ZNF462: variants seen among roughly 807,000 people sequenced by gnomAD.
The protein encoded by ZNF462 is zinc finger protein 462.
ZNF462 carries 10 observed loss-of-function variants against 201.9 expected under a neutral mutation model. That is an observed-to-expected ratio of 0.05 (90% CI 0.03 to 0.08). The LOEUF (loss-of-function observed/expected upper bound fraction) is 0.08, where lower values mean the gene tolerates loss of function less well. Among genes scored for constraint, ZNF462 ranks in the 10% least tolerant of loss-of-function variants. The pLI, the probability that ZNF462 is intolerant of heterozygous loss-of-function variation, is 1.00. For missense variants in ZNF462, 2,523 were observed against 3,168.3 expected, an observed-to-expected ratio of 0.80 and a Z score of 4.89; for synonymous variants, 1,227 against 1,193.3, an observed-to-expected ratio of 1.03 and a Z score of -0.58.
chr9:106,897,295 C>T (rs965941905), intron 1 of ZNF462, among the ~76,000 whole-genome samples: 1 of 151,932 alleles, frequency 6.6e-6, no homozygotes, highest in East Asian at 1.9e-4. Flanking sequence ...CTTATTTTTT[C>T]ACTTAACTAT....
At position 106,872,868 on chromosome 9, in the gene ZNF462, G is replaced by A. The variant is rs192957160; in HGVS notation, c.-31+9513G>A. On this transcript the variant is annotated intron_variant, in intron 1 of 12. Coordinates refer to ENST00000277225, the MANE Select transcript of ZNF462 (RefSeq NM_021224.6). This position sits in a 1 kb window ranked among gnomAD's most constrained non-coding sequence, Gnocchi z 4.5. Reference sequence around the variant, plus strand: ...AAAATGCTGTCTTCCCTCGTGGACTGACTCATAGTTAATACTGGACAACGG... The same window carrying A: ...AAAATGCTGTCTTCCCTCGTGGACTAACTCATAGTTAATACTGGACAACGG... 2.0e-5 allele frequency among the ~76,000 whole-genome samples: 3 copies of A among 152,304 alleles called. No individual in the cohort carries two copies. In the East Asian group the frequency reaches 5.8e-4, roughly 29 times the overall value.
At position 106,938,938 on chromosome 9, in the gene ZNF462, T is replaced by A; in HGVS notation, c.6258T>A (p.Ser2086=). 1.9e-6 allele frequency: 3 copies of A among 1,611,470 alleles called. No homozygotes were observed. Among genetic ancestry groups the A allele is most frequent in the Non-Finnish European group, 2.5e-6 (3 of 1,178,826 alleles). ...CAGGTGAGCATGCCTACAAGTGTTC[T>A]TGGTGCTCATTCTCCACCATGACAA... The part of the protein sequence containing the change: ...AHAGEHAYKC[S]WCSFSTMTIS... The change falls in exon 7 of 13, where the codon TCT becomes TCA. Residue 2086 remains serine (S), a synonymous_variant. Coordinates refer to ENST00000277225, the MANE Select transcript of ZNF462 (RefSeq NM_021224.6). This position sits in a 1 kb window ranked among gnomAD's most constrained non-coding sequence, Gnocchi z 4.4.
chr9:107,002,925 G>A (rs1829304912), intron 10 of ZNF462, among the ~76,000 whole-genome samples: 1 of 152,070 alleles, frequency 6.6e-6, no homozygotes, highest in South Asian at 2.1e-4. Flanking sequence ...TTGAAACTTG[G>A]GTTGTTATAA....
intron 1 of ZNF462, among the ~76,000 whole-genome samples, chr9:106,888,409 T>C (rs1355024120): frequency 6.6e-6 from 1 of 152,180 alleles, no homozygotes; most frequent in African/African-American, 2.4e-5. Context: ...CTGACAATAC[T>C]TTGCCCTGAA....
rs149059559 is a variant in ZNF462, at chr9:106,939,539, T to C, written c.6427+432T>C. ...AATGACACAAAATTCAGAGTAGGAG[T>C]GCAAAGGGTGAATGAGTGGGGAAGT... On this transcript the variant is annotated intron_variant, in intron 7 of 12. Coordinates refer to ENST00000277225, the MANE Select transcript of ZNF462 (RefSeq NM_021224.6). Among the ~76,000 whole-genome samples, 310 of 151,862 alleles carry C rather than the reference T, an allele frequency of 2.0e-3. 2 individuals are homozygous for C. The highest frequency in any genetic ancestry group is 6.8e-3 in the Middle Eastern group (2 of 294).
chr9:106,924,396 T>G lies in ZNF462; in HGVS notation c.484T>G (p.Phe162Val). Residue 162 changes from phenylalanine to valine, a missense_variant, in exon 3 of 13, where the codon TTC becomes GTC. Coordinates refer to ENST00000277225, the MANE Select transcript of ZNF462 (RefSeq NM_021224.6). The surrounding 1 kb of genome is among the most constrained non-coding windows in gnomAD (Gnocchi z 6.2). ...GATGCACGAGGGATTTGGAAAGGTCTTCTCTTGCCAGTTTTGCACATACAA... is the reference window on the plus strand; with the variant it reads ...GATGCACGAGGGATTTGGAAAGGTCGTCTCTTGCCAGTTTTGCACATACAA... The part of the protein sequence containing the change: ...IMMHEGFGKV[F>V]SCQFCTYKSP... The G allele has an allele frequency of 6.2e-7, 1 of 1,614,172 alleles. No homozygotes were observed. Among genetic ancestry groups the G allele is most frequent in the Non-Finnish European group, 8.5e-7 (1 of 1,180,016 alleles).
chr9:106,926,496 T>A lies in ZNF462; in HGVS notation c.2584T>A (p.Tyr862Asn), dbSNP rs756175517. Residue 862 changes from tyrosine (Y) to asparagine (N), a missense_variant, in exon 3 of 13, where the codon TAC becomes AAC. This residue lies in a region of ZNF462 where 11 missense variants were observed against 41.0 expected (regional missense o/e 0.27). Coordinates refer to ENST00000277225, the MANE Select transcript of ZNF462 (RefSeq NM_021224.6). This position sits in a 1 kb window ranked among gnomAD's most constrained non-coding sequence, Gnocchi z 7.9. The stretch of plus-strand genomic sequence containing the variant: ...ATCTGCCCGGAGTGTTAGCACCCAC[T>A]ACCAACGAATGCACCCATACATTAA... ...NKSARSVSTH[Y>N]QRMHPYIKFS... The A allele has an allele frequency of 6.2e-7, 1 of 1,614,172 alleles. No homozygotes were observed.
rs1321032884 is a variant in ZNF462 at position 106,902,305 on chromosome 9, TG to T, written c.-30-21048del. On this transcript the variant is annotated intron_variant, in intron 1 of 12. Coordinates refer to ENST00000277225, the MANE Select transcript of ZNF462 (RefSeq NM_021224.6). The surrounding 1 kb of genome is among the most constrained non-coding windows in gnomAD (Gnocchi z 4.2). ...ATGGTGGATTATCTTTTTGATATGT[TG>T]TTGAATTTGGTTAGCTAGTATTTTG... 6.6e-6 allele frequency among the ~76,000 whole-genome samples: 1 copy of T among 152,228 alleles called. No individual in the cohort carries two copies. The highest frequency in any genetic ancestry group is 2.4e-5 in the African/African-American group (1 of 41,454).
intron 1 of ZNF462, among the ~76,000 whole-genome samples, chr9:106,874,636 A>G (rs1389403656): frequency 1.2e-4 from 19 of 152,220 alleles, no homozygotes; most frequent in Admixed American, 1.2e-3. Flanking sequence ...AGTACACTGT[A>G]TAGATCACAT....
intron 7 of ZNF462, among the ~76,000 whole-genome samples, chr9:106,939,913 G>A (rs1394019396): frequency 1.3e-5 from 2 of 152,180 alleles, no homozygotes; most frequent in African/African-American, 2.4e-5. Flanking sequence ...CAGATTCTTC[G>A]AGGTAGACCT....
Position 106,865,388 on chromosome 9 carries a change from T to G in ZNF462, c.-31+2033T>G, listed in dbSNP as rs1827286187. Among the ~76,000 whole-genome samples the G allele has an allele frequency of 6.6e-6, 1 of 152,168 alleles. No individual in the cohort carries two copies. Among genetic ancestry groups the G allele is most frequent in the African/African-American group, 2.4e-5 (1 of 41,438 alleles). On this transcript the variant is annotated intron_variant, in intron 1 of 12. Coordinates refer to ENST00000277225, the MANE Select transcript of ZNF462 (RefSeq NM_021224.6). This position sits in a 1 kb window ranked among gnomAD's most constrained non-coding sequence, Gnocchi z 4.1. Reference sequence around the variant, plus strand: ...AGATGGTGATGGCCCTAAGCTGAGATTTTTTTGAGTTCTAGGGTTTGGTTA... The same window carrying G: ...AGATGGTGATGGCCCTAAGCTGAGAGTTTTTTGAGTTCTAGGGTTTGGTTA...
intron 1 of ZNF462, among the ~76,000 whole-genome samples, chr9:106,879,332 A>T (rs866915004): frequency 1.4e-5 from 1 of 70,632 alleles, no homozygotes; most frequent in African/African-American, 5.6e-5. Context: ...GATGCTTTCC[A>T]CCCCCCCCCC....
rs1827459121 is a variant in ZNF462 at position 106,981,855 on chromosome 9, T to C, written c.6833-2331T>C. On this transcript the variant is annotated intron_variant, in intron 9 of 12. Transcript: ENST00000277225. The surrounding 1 kb of genome is among the most constrained non-coding windows in gnomAD (Gnocchi z 4.0). Reference sequence around the variant, plus strand: ...GTGTGGGACATCATTATATGAAAAATGATACCGGGCTGTTCTTCTTCACCG... The same window carrying C: ...GTGTGGGACATCATTATATGAAAAACGATACCGGGCTGTTCTTCTTCACCG... Among the ~76,000 whole-genome samples the C allele has an allele frequency of 6.6e-6, 1 of 152,094 alleles. No homozygotes were observed. The highest frequency in any genetic ancestry group is 2.4e-5 in the African/African-American group (1 of 41,426).
In ZNF462 at chr9:106,883,703, T is replaced by C. The variant is rs1828199304; in HGVS notation, c.-31+20348T>C. On this transcript the variant is annotated intron_variant, in intron 1 of 12. Coordinates refer to ENST00000277225, the MANE Select transcript of ZNF462 (RefSeq NM_021224.6). This position sits in a 1 kb window ranked among gnomAD's most constrained non-coding sequence, Gnocchi z 4.9. Reference sequence around the variant, plus strand: ...CAGGGGATTAGTAAATCTTTTCCTCTGAAGTTTGGATGCGGTTCAAAGCTA... The same window carrying C: ...CAGGGGATTAGTAAATCTTTTCCTCCGAAGTTTGGATGCGGTTCAAAGCTA... 6.6e-6 allele frequency among the ~76,000 whole-genome samples: 1 copy of C among 152,256 alleles called. No individual in the cohort carries two copies. The highest frequency in any genetic ancestry group is 6.5e-5 in the Admixed American group (1 of 15,290).
At chr9:106,861,377 G>A (rs746478297), upstream of ZNF462, among the ~76,000 whole-genome samples, 1 of 152,104 alleles carries the variant, frequency 6.6e-6, no homozygotes, top group Non-Finnish European at 1.5e-5. Context: ...CTGTTGCTTG[G>A]GGGGAGGGAG....
intron 7 of ZNF462, among the ~76,000 whole-genome samples, chr9:106,967,633 C>T (rs957528440): frequency 1.3e-5 from 2 of 152,100 alleles, no homozygotes; most frequent in African/African-American, 4.8e-5. Context: ...GCACCCATCT[C>T]TCATTTGCAT....
At chr9:107,007,863 G>A (rs939963747) in intron 11 of ZNF462, among the ~76,000 whole-genome samples, 1 of 152,076 alleles carries the variant, frequency 6.6e-6, no homozygotes, top group Non-Finnish European at 1.5e-5. Flanking sequence ...AAGGACAGAT[G>A]ACTGGTTTCC....
intron 7 of ZNF462, among the ~76,000 whole-genome samples, chr9:106,952,751 A>G (rs1305825639): frequency 2.0e-5 from 3 of 152,214 alleles, no homozygotes; most frequent in Middle Eastern, 3.2e-3. Flanking sequence ...TTGCATATCT[A>G]CTGATTGAGT....
In ZNF462 at chr9:106,872,713, C is replaced by T. The variant is rs1008257794; in HGVS notation, c.-31+9358C>T. On this transcript the variant is annotated intron_variant, in intron 1 of 12. Transcript: ENST00000277225. The surrounding 1 kb of genome is among the most constrained non-coding windows in gnomAD (Gnocchi z 4.5). ...TATCGGAGTTCAGTTGCAAGAACTT[C>T]CCCCCTTTCTGCTGTCAATTGAATA... Among the ~76,000 whole-genome samples, 1 of 152,136 alleles carries T rather than the reference C, an allele frequency of 6.6e-6. No individual in the cohort carries two copies. The highest frequency in any genetic ancestry group is 2.4e-5 in the African/African-American group (1 of 41,440).
Sources: gnomAD v4.1 joint callset for allele counts (sites outside exome capture counted in the v4.1 genomes callset) on GRCh38, gnomAD v4.1.1 for gene constraint, gnomAD v4.1.1 regional missense constraint, Gnocchi (gnomAD v3.1) non-coding constraint, MANE v1.5 for transcripts, NCBI Gene and HGNC (gene_info 2026-07-23, HGNC 2026-07-21) for gene names.